Variants in RUFY4 observed in about 807,000 individuals in gnomAD.
RUFY4 encodes RUN and FYVE domain-containing protein 4.
In RUFY4, 73 loss-of-function variants were observed where a neutral mutation model predicts 69.0. The ratio of observed to expected loss-of-function variants is 1.06; its 90% CI spans 0.88 to 1.29. RUFY4 has a LOEUF of 1.29. Among genes scored for constraint, RUFY4 ranks in the 50% most tolerant of loss-of-function variants. RUFY4 has a pLI of 0.00. For synonymous variants in RUFY4, 287 were observed against 271.8 expected (o/e 1.06, Z -0.55); for missense variants, 770 against 705.6 (o/e 1.09, Z -1.03).
intron 2 of RUFY4, among the ~76,000 whole-genome samples, chr2:218,042,421 C>G (rs1574491544): frequency 6.6e-6 from 1 of 152,104 alleles, no homozygotes; most frequent in Non-Finnish European, 1.5e-5. Context: ...GGGTATGTAT[C>G]TATGAAAACA....
intron 8 of RUFY4, among the ~76,000 whole-genome samples, chr2:218,079,742 A>G (rs780428376): frequency 3.3e-5 from 5 of 152,168 alleles, no homozygotes; most frequent in Non-Finnish European, 5.9e-5. Flanking sequence ...CAAGCTGGTG[A>G]TGAGTTCCTC....
intron 9 of RUFY4, 76 bp downstream of exon 11, chr2:218,083,332 T>TCTA (rs1689812787): frequency 6.7e-7 from 1 of 1,502,754 alleles, no homozygotes; most frequent in South Asian, 1.3e-5. Context: ...GCGTGAAAAT[T>TCTA]CTACTCCACT....
chr2:218,052,201 T>C (rs1259257341), intron 2 of RUFY4, among the ~76,000 whole-genome samples: 1 of 152,330 alleles, frequency 6.6e-6, no homozygotes, highest in South Asian at 2.1e-4. Flanking sequence ...AGCTTTTTCT[T>C]TTTTTATTTC....
intron 2 of RUFY4, among the ~76,000 whole-genome samples, chr2:218,055,347 A>T (rs1009422480): frequency 1.3e-5 from 2 of 151,994 alleles, no homozygotes; most frequent in African/African-American, 2.4e-5. Context: ...GTGAGCCAAG[A>T]TCGTGCCACT....
intron 9 of RUFY4, 33 bp from the exon 12 acceptor site, chr2:218,089,215 CTCTG>C (rs1470883706): frequency 6.6e-7 from 1 of 1,524,208 alleles, no homozygotes; most frequent in Non-Finnish European, 9.1e-7. Context: ...TGATCTCTGT[CTCTG>C]TCTGTGTCTC....
intron 3 of RUFY4, among the ~76,000 whole-genome samples, chr2:218,062,346 T>C (rs1689216636): frequency 1.4e-5 from 2 of 144,568 alleles, no homozygotes; most frequent in African/African-American, 5.2e-5. Flanking sequence ...GCGGAGCTTG[T>C]AGTGAGCCGA....
chr2:218,039,995 A>C (rs1959038535), intron 2 of RUFY4, among the ~76,000 whole-genome samples: 1 of 124,462 alleles, frequency 8.0e-6, no homozygotes, highest in South Asian at 3.4e-4. Context: ...TTGCTCCTAG[A>C]GAGGACTCCT....
At chr2:218,075,097 C>G (rs1333640198) in exon 7 of RUFY4, 2 of 1,523,416 alleles carry the variant, frequency 1.3e-6, no homozygotes, top group African/African-American at 1.4e-5. Context: ...CCACAGATCC[C>G]AGCCGCATAT....
At chr2:218,076,750 C>T (rs112013073) in intron 8 of RUFY4, among the ~76,000 whole-genome samples, 106 of 152,248 alleles carry the variant, frequency 7.0e-4, no homozygotes, top group African/African-American at 2.5e-3. Context: ...TCTCCCAGAG[C>T]AGGAGCAGCC....
chr2:218,087,823 T>C (rs1009259482), intron 9 of RUFY4, among the ~76,000 whole-genome samples: 7 of 151,746 alleles, frequency 4.6e-5, no homozygotes, highest in Non-Finnish European at 8.8e-5. Context: ...AGGAAGACTC[T>C]GTCTCAAAAA....
At chr2:218,086,815 A>G (rs1689904293) in intron 9 of RUFY4, among the ~76,000 whole-genome samples, 1 of 152,218 alleles carries the variant, frequency 6.6e-6, no homozygotes, top group Non-Finnish European at 1.5e-5. Context: ...GGGAGCAGTC[A>G]GTCTAGACTG....
chr2:218,038,251 TCAGAAAAACAC>T (rs902131057), intron 2 of RUFY4, among the ~76,000 whole-genome samples: 5 of 152,106 alleles, frequency 3.3e-5, no homozygotes, highest in African/African-American at 1.2e-4. Context: ...AAAAAAGTTT[TCAGAAAAACAC>T]CAGAAAAAAA....
At chr2:218,089,224 T>C in intron 9 of RUFY4, 28 bp from the exon 12 acceptor site, 4 of 1,554,056 alleles carry the variant, frequency 2.6e-6, no homozygotes, top group Non-Finnish European at 3.5e-6. Flanking sequence ...TCTCTGTCTG[T>C]GTCTCTCCAC....
chr2:218,072,932 TC>T (rs1196579777), intron 4 of RUFY4, 47 bp downstream of exon 6: 5 of 1,422,948 alleles, frequency 3.5e-6, no homozygotes, highest in Non-Finnish European at 2.8e-6. Context: ...TGAGCCACTT[TC>T]CCTCCTTTGT....
intron 8 of RUFY4, among the ~76,000 whole-genome samples, chr2:218,079,843 A>T (rs980034248): frequency 6.6e-6 from 1 of 152,178 alleles, no homozygotes; most frequent in African/African-American, 2.4e-5. Flanking sequence ...TGGTGAACAA[A>T]CTTGGCCCAG....
chr2:218,077,339 C>G (rs1689658350), intron 8 of RUFY4, among the ~76,000 whole-genome samples: 1 of 152,166 alleles, frequency 6.6e-6, no homozygotes, highest in South Asian at 2.1e-4. Context: ...TACCATCCCC[C>G]CTCAGTCCTC....
In RUFY4 at chr2:218,073,264, C is replaced by T. The variant is rs888461089; in HGVS notation, c.408C>T (p.Ser136=). 2.6e-6 allele frequency: 4 copies of T among 1,552,078 alleles called. No individual in the cohort carries two copies. In the African/African-American group the frequency reaches 4.1e-5, roughly 16 times the overall value. ...ACAGGGAATGGTATGGACCCCGGAG[C>T]CCTCTGCTCTGCCCAGAACGCCAAG... Residue 136 remains serine (S), a synonymous_variant, in exon 5 of 11, where the codon AGC becomes AGT. Transcript: ENST00000344321.
At chr2:218,088,415 G>A (rs1689943117) in intron 9 of RUFY4, among the ~76,000 whole-genome samples, 2 of 150,084 alleles carry the variant, frequency 1.3e-5, no homozygotes, top group African/African-American at 4.9e-5. Context: ...CTGTGATCAT[G>A]CTACTGCACT....
chr2:218,058,052 G>T (rs1689101326), intron 2 of RUFY4, among the ~76,000 whole-genome samples: 1 of 152,196 alleles, frequency 6.6e-6, no homozygotes, highest in Non-Finnish European at 1.5e-5. Flanking sequence ...GAGATTGTGT[G>T]CATTAAAAGA....
Sources: allele counts gnomAD v4.1 joint callset (sites outside exome capture counted in the v4.1 genomes callset), GRCh38; gene constraint gnomAD v4.1.1; transcripts MANE v1.5; gene names NCBI Gene and HGNC (gene_info 2026-07-23, HGNC 2026-07-21).